The following PIK3R5 variants were observed in gnomAD, a reference collection of about 807,000 sequenced individuals.
PIK3R5 encodes the protein phosphoinositide-3-kinase regulatory subunit 5.
In PIK3R5, 32 loss-of-function variants were observed where a neutral mutation model predicts 94.9. The ratio of observed to expected loss-of-function variants is 0.34; its 90% CI spans 0.25 to 0.45. The LOEUF is 0.45. Among genes scored for constraint, PIK3R5 ranks in the 20% least tolerant of loss-of-function variants. The probability of loss-of-function intolerance (pLI) is 1.00; values close to 1 mark genes in which losing one functional copy is unlikely to be tolerated. For missense variants in PIK3R5, 853 were observed against 1,144.6 expected, an observed-to-expected ratio of 0.75 and a Z score of 3.68; for synonymous variants, 443 against 479.4, an observed-to-expected ratio of 0.92 and a Z score of 0.99.
chr17:8,899,238 A>G (rs58816242), intron 5 of PIK3R5, among the ~76,000 whole-genome samples: 118 of 152,338 alleles, frequency 7.7e-4, no homozygotes, highest in African/African-American at 2.7e-3. Context: ...GGAGGCCCCC[A>G]GCCTTGATAA....
At position 8,881,623 on chromosome 17, in the gene PIK3R5, C is replaced by A; in HGVS notation, c.2382+7G>T. 6.2e-7 allele frequency: 1 copy of A among 1,608,136 alleles called. No individual in the cohort carries two copies. The highest frequency in any genetic ancestry group is 1.7e-5 in the Admixed American group (1 of 59,382). On this transcript the variant is annotated splice_region_variant and intron_variant, in intron 17 of 18. Coordinates refer to ENST00000447110, the MANE Select transcript of PIK3R5 (RefSeq NM_001142633.3). This position sits in a 1 kb window ranked among gnomAD's most constrained non-coding sequence, Gnocchi z 4.8. ...GGGTATGGCTGGAAGGAGAGGGAAG[C>A]CCGTACCTGGTTAAAGCCCTTCTTG...
At chr17:8,902,810 T>C (rs1390474898) in intron 5 of PIK3R5, among the ~76,000 whole-genome samples, 1 of 151,978 alleles carries the variant, frequency 6.6e-6, no homozygotes, top group African/African-American at 2.4e-5. Flanking sequence ...ATTTTTATGT[T>C]TGCATTAGAA....
In PIK3R5 at chr17:8,933,940, A is replaced by G. The variant is rs538204957; in HGVS notation, c.-13-22433T>C. ...TTTATAAGAACCCTCAGTAAGAGGGAACTGCTCAAACTTATAAAGAGCATC... is the reference window on the plus strand; with the variant it reads ...TTTATAAGAACCCTCAGTAAGAGGGGACTGCTCAAACTTATAAAGAGCATC... On this transcript the variant is annotated intron_variant, in intron 1 of 18. Transcript: ENST00000447110. 4.6e-5 allele frequency among the ~76,000 whole-genome samples: 7 copies of G among 152,354 alleles called. 1 individual carries two copies. The highest frequency in any genetic ancestry group is 7.2e-5 in the African/African-American group (3 of 41,590).
intron 1 of PIK3R5, among the ~76,000 whole-genome samples, chr17:8,922,221 G>T (rs1045838300): frequency 6.6e-6 from 1 of 152,022 alleles, no homozygotes; most frequent in Non-Finnish European, 1.5e-5. Context: ...TTGAGTGGCT[G>T]ATCTGTGTCA....
At chr17:8,891,016 G>T in intron 6 of PIK3R5, 104 bp from the exon 7 acceptor site, 1 of 1,087,958 alleles carries the variant, frequency 9.2e-7, no homozygotes. Context: ...TGAGACCAGG[G>T]CCTCCTCAAG....
intron 15 of PIK3R5, among the ~76,000 whole-genome samples, chr17:8,883,373 A>T (rs1432443857): frequency 1.3e-5 from 2 of 152,200 alleles, no homozygotes; most frequent in Non-Finnish European, 2.9e-5. Context: ...GTCTCAAAAA[A>T]ACAAACAAAA....
At chr17:8,914,021 ACCCTCTGGAGGT>A (rs1245939875) in intron 1 of PIK3R5, among the ~76,000 whole-genome samples, 1 of 151,990 alleles carries the variant, frequency 6.6e-6, no homozygotes, top group Non-Finnish European at 1.5e-5. Flanking sequence ...CGACCACAAG[ACCCTCTGGAGGT>A]GGGTCCTATT....
intron 5 of PIK3R5, among the ~76,000 whole-genome samples, chr17:8,902,359 G>A (rs900408271): frequency 3.4e-5 from 5 of 146,338 alleles, no homozygotes; most frequent in African/African-American, 1.3e-4. Flanking sequence ...AGGTTCAAGC[G>A]ATTCTCTGCC....
intron 1 of PIK3R5, among the ~76,000 whole-genome samples, chr17:8,951,460 G>A (rs2091374516): frequency 6.6e-6 from 1 of 151,926 alleles, no homozygotes; most frequent in Non-Finnish European, 1.5e-5. Context: ...GTTTCTATGA[G>A]TTTACTCTAG....
rs2089647634 is a variant in PIK3R5 at position 8,881,153 on chromosome 17, G to A, written c.2383-136C>T. ...AGGGGTTTGTCTGACTGCGCTCCAG[G>A]GTTAATGGCCAGGTCACAGGAGGGA... On this transcript the variant is annotated intron_variant, in intron 17 of 18. Coordinates refer to ENST00000447110, the MANE Select transcript of PIK3R5 (RefSeq NM_001142633.3). This position sits in a 1 kb window ranked among gnomAD's most constrained non-coding sequence, Gnocchi z 4.8. 3 of 692,382 alleles carry A rather than the reference G, an allele frequency of 4.3e-6. No homozygotes were observed. Among genetic ancestry groups the A allele is most frequent in the Admixed American group, 4.2e-5 (2 of 47,704 alleles). 42.9% of individuals were successfully genotyped at this position (692,382 alleles called of 1,614,324 possible).
At chr17:8,949,050 C>T (rs1444142528) in intron 1 of PIK3R5, among the ~76,000 whole-genome samples, 1 of 152,022 alleles carries the variant, frequency 6.6e-6, no homozygotes, top group Non-Finnish European at 1.5e-5. Context: ...GCATGAATCT[C>T]ATGGTAGGAA....
At chr17:8,940,361 C>T (rs1033775362) in intron 1 of PIK3R5, among the ~76,000 whole-genome samples, 1 of 150,484 alleles carries the variant, frequency 6.6e-6, no homozygotes, top group African/African-American at 2.5e-5. Context: ...AGAGCTGCTG[C>T]AAGAAGGCTT....
chr17:8,953,647 G>A (rs2091417551), intron 1 of PIK3R5, among the ~76,000 whole-genome samples: 1 of 152,198 alleles, frequency 6.6e-6, no homozygotes, highest in African/African-American at 2.4e-5. Flanking sequence ...CAGGTGGTAA[G>A]AGTGAGCCCC....
intron 1 of PIK3R5, among the ~76,000 whole-genome samples, chr17:8,960,853 C>A (rs2091551396): frequency 6.6e-6 from 1 of 151,580 alleles, no homozygotes; most frequent in Non-Finnish European, 1.5e-5. Context: ...CACCCCCAGC[C>A]CCCCACCCCA....
At chr17:8,958,062 G>A (rs947441810) in intron 1 of PIK3R5, among the ~76,000 whole-genome samples, 15 of 152,182 alleles carry the variant, frequency 9.9e-5, no homozygotes, top group Non-Finnish European at 1.8e-4. Flanking sequence ...TATAATCCCA[G>A]CACTTTGGGA....
intron 1 of PIK3R5, among the ~76,000 whole-genome samples, chr17:8,936,436 T>C (rs1410517146): frequency 6.6e-6 from 1 of 152,240 alleles, no homozygotes; most frequent in Non-Finnish European, 1.5e-5. Context: ...CTCCAGCATC[T>C]GGTAGCCATT....
rs2089634480 is a variant in PIK3R5, at chr17:8,880,775, G to A, written c.2507C>T (p.Ser836Leu). 2 of 1,613,558 alleles carry A rather than the reference G, an allele frequency of 1.2e-6. No homozygotes were observed. Among genetic ancestry groups the A allele is most frequent in the Non-Finnish European group, 1.7e-6 (2 of 1,179,742 alleles). Residue 836 changes from serine (S) to leucine (L), a missense_variant, in exon 19 of 19, where the codon TCA becomes TTA. Coordinates refer to ENST00000447110, the MANE Select transcript of PIK3R5 (RefSeq NM_001142633.3). ...ILQSVVRCEVSPCYKPEKSDL... is the reference protein window; with the variant it reads ...ILQSVVRCEVLPCYKPEKSDL... ...GCTCTTCTCTGGCTTGTAGCACGGT[G>A]AGACCTCACATCTGTGCAGCAGGGC...
At chr17:8,903,189 T>G (rs2090326722) in intron 5 of PIK3R5, among the ~76,000 whole-genome samples, 1 of 152,226 alleles carries the variant, frequency 6.6e-6, no homozygotes, top group Non-Finnish European at 1.5e-5. Flanking sequence ...GGTCTACCAA[T>G]TATCCTGATA....
chr17:8,923,432 T>G (rs770909016), intron 1 of PIK3R5, among the ~76,000 whole-genome samples: 6 of 152,254 alleles, frequency 3.9e-5, no homozygotes, highest in Non-Finnish European at 8.8e-5. Flanking sequence ...TAGACACTCC[T>G]TACCCCCATT....
Sources: gnomAD v4.1 joint callset for allele counts (sites outside exome capture counted in the v4.1 genomes callset) on GRCh38, gnomAD v4.1.1 for gene constraint, Gnocchi (gnomAD v3.1) non-coding constraint, MANE v1.5 for transcripts, NCBI Gene and HGNC (gene_info 2026-07-23, HGNC 2026-07-21) for gene names.